LOC128125817: variants seen among roughly 807,000 people sequenced by gnomAD.
chr1:41,627,240 C>T, the LOC128125817 span, among the ~76,000 whole-genome samples: 8 of 152,182 alleles, frequency 5.3e-5, no homozygotes, highest in Non-Finnish European at 1.0e-4. Context: ...ATTCTAGGGG[C>T]CTTCCCCAGC....
the LOC128125817 span, among the ~76,000 whole-genome samples, chr1:41,604,502 T>G: frequency 6.6e-6 from 1 of 152,176 alleles, no homozygotes; most frequent in East Asian, 1.9e-4. Context: ...TAAGAGGTGA[T>G]TAGGCTGTGA....
chr1:41,615,815 CTTTTTTTT>C, the LOC128125817 span, among the ~76,000 whole-genome samples: 2 of 47,022 alleles, frequency 4.3e-5, no homozygotes, highest in East Asian at 8.5e-4. Flanking sequence ...TTTGACAAGT[CTTTTTTTT>C]TTTTTTTTTT....
chr1:41,622,475 A>G, the LOC128125817 span, among the ~76,000 whole-genome samples: 1 of 152,198 alleles, frequency 6.6e-6, no homozygotes, highest in Non-Finnish European at 1.5e-5. Flanking sequence ...CCTGTAGGTC[A>G]AGGGTTGGCA....
At chr1:41,626,481 A>G in the LOC128125817 span, among the ~76,000 whole-genome samples, 90,037 of 152,068 alleles carry the variant, frequency 0.59, 27,496 homozygotes, top group African/African-American at 0.75. Context: ...CGGACAAACA[A>G]AGAGTCTGGG....
the LOC128125817 span, among the ~76,000 whole-genome samples, chr1:41,608,917 CAAA>C: frequency 6.5e-5 from 8 of 123,538 alleles, no homozygotes; most frequent in African/African-American, 2.0e-4. Context: ...CTAAAAATAC[CAAA>C]AAAAAAAAAA....
At chr1:41,626,871 GA>G in the LOC128125817 span, among the ~76,000 whole-genome samples, 1 of 152,178 alleles carries the variant, frequency 6.6e-6, no homozygotes, top group Admixed American at 6.5e-5. Flanking sequence ...TCTTGGTGGA[GA>G]AAAAAGTGCT....
the LOC128125817 span, among the ~76,000 whole-genome samples, chr1:41,586,163 C>T: frequency 5.9e-5 from 9 of 152,204 alleles, no homozygotes; most frequent in African/African-American, 1.9e-4. Context: ...ATATGGGGAT[C>T]ATTGCCCTCA....
the LOC128125817 span, among the ~76,000 whole-genome samples, chr1:41,612,120 A>C: frequency 2.2e-5 from 3 of 138,998 alleles, no homozygotes; most frequent in South Asian, 2.3e-4. Flanking sequence ...AGCTCCTCTC[A>C]CCCTTTCTGC....
At chr1:41,618,628 C>T in the LOC128125817 span, among the ~76,000 whole-genome samples, 1 of 152,204 alleles carries the variant, frequency 6.6e-6, no homozygotes, top group Middle Eastern at 3.4e-3. Flanking sequence ...TTTCTTAAGC[C>T]CGAGTTCTAC....
the LOC128125817 span, among the ~76,000 whole-genome samples, chr1:41,607,571 T>C: frequency 3.3e-5 from 5 of 152,336 alleles, no homozygotes; most frequent in Middle Eastern, 3.4e-3. Flanking sequence ...ATTCAAACTG[T>C]TTCCTTTGAA....
the LOC128125817 span, among the ~76,000 whole-genome samples, chr1:41,586,859 T>G: frequency 1.3e-5 from 2 of 151,948 alleles, no homozygotes; most frequent in Non-Finnish European, 2.9e-5. Flanking sequence ...AAAACCATAT[T>G]TATAGAAGAA....
At chr1:41,600,368 T>C in the LOC128125817 span, among the ~76,000 whole-genome samples, 226 of 152,348 alleles carry the variant, frequency 1.5e-3, no homozygotes, top group East Asian at 0.012. Context: ...TTGTAGCATG[T>C]GTCAGAATTT....
At chr1:41,588,625 C>T in the LOC128125817 span, among the ~76,000 whole-genome samples, 3 of 152,084 alleles carry the variant, frequency 2.0e-5, no homozygotes, top group African/African-American at 7.2e-5. Flanking sequence ...CCAGCCTGCA[C>T]CTGTGGGCTG....
the LOC128125817 span, among the ~76,000 whole-genome samples, chr1:41,597,409 C>A: frequency 6.6e-6 from 1 of 152,346 alleles, no homozygotes; most frequent in African/African-American, 2.4e-5. Context: ...AGAGGAAGAT[C>A]ATCTAAACCA....
At chr1:41,623,142 C>A in the LOC128125817 span, among the ~76,000 whole-genome samples, 1 of 152,208 alleles carries the variant, frequency 6.6e-6, no homozygotes, top group South Asian at 2.1e-4. Flanking sequence ...CTTCGAGCCT[C>A]CCTGGGAATA....
chr1:41,625,162 C>CA, the LOC128125817 span, among the ~76,000 whole-genome samples: 510 of 71,260 alleles, frequency 7.2e-3, 48 homozygotes, highest in Non-Finnish European at 9.6e-3. Flanking sequence ...GATTCCAACT[C>CA]AAAAAAAAAA....
the LOC128125817 span, among the ~76,000 whole-genome samples, chr1:41,600,892 T>C: frequency 1.3e-5 from 2 of 152,196 alleles, no homozygotes. Context: ...TAATCCATTT[T>C]GAGTTGATCT....
chr1:41,587,928 C>A, the LOC128125817 span, among the ~76,000 whole-genome samples: 1 of 152,166 alleles, frequency 6.6e-6, no homozygotes, highest in African/African-American at 2.4e-5. Context: ...GCTGTATCCA[C>A]GGCAAGAGGG....
the LOC128125817 span, among the ~76,000 whole-genome samples, chr1:41,595,612 A>T: frequency 1.3e-5 from 2 of 152,156 alleles, no homozygotes; most frequent in Non-Finnish European, 2.9e-5. Flanking sequence ...ATCGAATGTC[A>T]ACTTGATTGG....
Sources: allele counts gnomAD v4.1 joint callset (sites outside exome capture counted in the v4.1 genomes callset), GRCh38; gene constraint gnomAD v4.1.1; transcripts MANE v1.5.